The following CHRNA7 variants were observed in gnomAD, a reference collection of about 807,000 sequenced individuals.
CHRNA7 encodes the protein cholinergic receptor nicotinic alpha 7 subunit, also known as neuronal acetylcholine receptor subunit alpha-7.
CHRNA7 carries 17 observed loss-of-function variants against 48.0 expected under a neutral mutation model. The observed-to-expected ratio is 0.35, with a 90% CI of 0.24 to 0.53. The LOEUF (loss-of-function observed/expected upper bound fraction) is 0.53, where lower values mean the gene tolerates loss of function less well. Ranked by LOEUF, CHRNA7 falls within the 20% of genes least tolerant of loss-of-function variation. The pLI, the probability that CHRNA7 is intolerant of heterozygous loss-of-function variation, is 0.92. For missense variants in CHRNA7, 155 were observed against 577.7 expected (o/e 0.27, Z 7.50); for synonymous variants, 75 against 242.3 (o/e 0.31, Z 6.41).
chr15:32,131,742 A>T (rs974878316), intron 4 of CHRNA7, among the ~76,000 whole-genome samples: 7 of 152,160 alleles, frequency 4.6e-5, no homozygotes, highest in Admixed American at 1.3e-4. Context: ...GGTGATTTTT[A>T]AAATTATATC....
chr15:32,065,510 T>G lies in CHRNA7; in HGVS notation c.195+34473T>G, dbSNP rs373495038. 6.4e-4 allele frequency among the ~76,000 whole-genome samples: 97 copies of G among 152,326 alleles called. No homozygotes were observed. In the South Asian group the frequency reaches 0.019, roughly 30 times the overall value. ...GCTGCCTGAGGCAGTGGATATCAAC[T>G]GAGGAAGATAATAAGCTATAAAAAG... is the stretch of plus-strand genomic sequence containing the variant. On this transcript the variant is annotated intron_variant, in intron 2 of 9. Transcript: ENST00000306901.
intron 2 of CHRNA7, among the ~76,000 whole-genome samples, chr15:32,079,505 A>G (rs377239294): frequency 7.2e-5 from 11 of 152,176 alleles, no homozygotes; most frequent in African/African-American, 2.2e-4. Flanking sequence ...CTATATAACA[A>G]CAGACAGAGA....
intron 3 of CHRNA7, 57 bp from the exon 4 acceptor site, chr15:32,111,733 T>G: frequency 1.0e-6 from 1 of 1,004,270 alleles, no homozygotes; most frequent in Non-Finnish European, 1.5e-6. Flanking sequence ...TAATCGCTTA[T>G]GAGAAATATT....
chr15:32,102,720 A>G (rs2050594673), intron 3 of CHRNA7: 1 of 152,176 alleles, frequency 6.6e-6, no homozygotes, highest in Admixed American at 6.5e-5. Context: ...ACTTGAATGG[A>G]GAGAATGATA....
At position 32,040,598 on chromosome 15, in the gene CHRNA7, A is replaced by ATG. The variant is rs1332326333; in HGVS notation, c.195+9567_195+9568dup. Among the ~76,000 whole-genome samples the ATG allele has an allele frequency of 5.2e-3, 476 of 92,220 alleles. 4 individuals carry two copies. Among genetic ancestry groups the ATG allele is most frequent in the African/African-American group, 0.012 (446 of 36,688 alleles). 60.5% of individuals were successfully genotyped at this position (92,220 alleles called of 152,430 possible). ...ATAAGGTGCGTGTGTGTGTGTGTATATGTGTGTATGTGTGTGTGTGTATAT... is the reference window on the plus strand; with the variant it reads ...ATAAGGTGCGTGTGTGTGTGTGTATATGTGTGTGTATGTGTGTGTGTGTATAT... On this transcript the variant is annotated intron_variant, in intron 2 of 9. Transcript: ENST00000306901.
intron 2 of CHRNA7, among the ~76,000 whole-genome samples, chr15:32,054,185 T>G (rs940285417): frequency 6.6e-6 from 1 of 152,222 alleles, no homozygotes; most frequent in African/African-American, 2.4e-5. Context: ...AAGTATCTAT[T>G]TTAAGAAGTC....
rs187353049 is a variant in CHRNA7 at position 32,048,100 on chromosome 15, A to G, written c.195+17063A>G. Among the ~76,000 whole-genome samples, 698 of 152,258 alleles carry G rather than the reference A, an allele frequency of 4.6e-3. 4 individuals are homozygous for G. The highest frequency in any genetic ancestry group is 0.014 in the African/African-American group (587 of 41,544). On this transcript the variant is annotated intron_variant, in intron 2 of 9. Coordinates refer to ENST00000306901, the MANE Select transcript of CHRNA7 (RefSeq NM_000746.6). ...GTATTTTATTGAGGATTTTTGCATC[A>G]ATGTTCATCAGGGATATTGGTCTAA...
At chr15:32,062,740 G>A (rs2049899536) in intron 2 of CHRNA7, among the ~76,000 whole-genome samples, 1 of 152,042 alleles carries the variant, frequency 6.6e-6, no homozygotes, top group Admixed American at 6.6e-5. Flanking sequence ...CTACACATTT[G>A]GGGCTTCCTA....
rs145588460 is a variant in CHRNA7 at position 32,127,317 on chromosome 15, T to G, written c.350+15418T>G. On this transcript the variant is annotated intron_variant, in intron 4 of 9. Transcript: ENST00000306901. The stretch of plus-strand genomic sequence containing the variant: ...TTGTTTTTGAAGATGTTTCCATTCG[T>G]CTGGTATAAATTACATAAGCACGCA... 3.9e-5 allele frequency among the ~76,000 whole-genome samples: 6 copies of G among 152,284 alleles called. No homozygotes were observed. In the East Asian group the frequency reaches 1.2e-3, roughly 29 times the overall value.
intron 2 of CHRNA7, chr15:32,100,154 A>C (rs999935920): frequency 6.6e-6 from 1 of 150,744 alleles, no homozygotes; most frequent in African/African-American, 2.4e-5. Flanking sequence ...CTGCTCACTG[A>C]CATGCCCCAG....
intron 2 of CHRNA7, among the ~76,000 whole-genome samples, chr15:32,074,307 G>T (rs570654506): frequency 6.8e-6 from 1 of 147,128 alleles, no homozygotes; most frequent in Non-Finnish European, 1.5e-5. Flanking sequence ...GTGTTTCATT[G>T]CCTTTTCTTG....
At chr15:32,087,588 G>A (rs537635349) in intron 2 of CHRNA7, among the ~76,000 whole-genome samples, 1 of 152,148 alleles carries the variant, frequency 6.6e-6, no homozygotes, top group Non-Finnish European at 1.5e-5. Flanking sequence ...AAGTATTTCT[G>A]TATGTAACCG....
At position 32,149,123 on chromosome 15, in the gene CHRNA7, G is replaced by A. The variant is rs749033960; in HGVS notation, c.351-4784G>A. Among the ~76,000 whole-genome samples, 10 of 152,220 alleles carry A rather than the reference G, an allele frequency of 6.6e-5. No individual in the cohort carries two copies. Among genetic ancestry groups the A allele is most frequent in the Non-Finnish European group, 1.2e-4 (8 of 68,036 alleles). On this transcript the variant is annotated intron_variant, in intron 4 of 9. Coordinates refer to ENST00000306901, the MANE Select transcript of CHRNA7 (RefSeq NM_000746.6). The surrounding 1 kb of genome is among the most constrained non-coding windows in gnomAD (Gnocchi z 4.6). ...AAGGCAGCTCCTGCAAGGACGGAGAGGCCACAGGCCGGCATCTTCACAAAC... is the reference window on the plus strand; with the variant it reads ...AAGGCAGCTCCTGCAAGGACGGAGAAGCCACAGGCCGGCATCTTCACAAAC...
rs113697113 is a variant in CHRNA7, at chr15:32,167,785, C to T, written c.991-155C>T. 2.8e-5 allele frequency among the ~76,000 whole-genome samples: 2 copies of T among 70,586 alleles called. 1 individual carries two copies. The highest frequency in any genetic ancestry group is 8.4e-5 in the African/African-American group (2 of 23,874). The allele number at this position is 70,586 out of a possible 152,430, so 46.3% of individuals were successfully genotyped here. ...GTTGAACTCGACTGCTTGTCATACG[C>T]AAGCACTGCTTGCCTGCTAAAATCA... On this transcript the variant is annotated intron_variant, in intron 9 of 9. Transcript: ENST00000306901.
At chr15:32,041,410 G>C (rs2049445844) in intron 2 of CHRNA7, among the ~76,000 whole-genome samples, 1 of 152,172 alleles carries the variant, frequency 6.6e-6, no homozygotes, top group South Asian at 2.1e-4. Flanking sequence ...GTGCAACCTA[G>C]ATCCCTTGCA....
intron 3 of CHRNA7, among the ~76,000 whole-genome samples, chr15:32,105,446 AAGGAGGAAGAGGAGGAGGAAG>A (rs2050650073): frequency 6.7e-6 from 1 of 149,502 alleles, no homozygotes; most frequent in African/African-American, 2.5e-5. Context: ...GGCGGAGGAG[AAGGAGGAAGAGGAGGAGGAAG>A]AGGAGGAGAG....
chr15:32,127,132 C>G (rs2051080723), intron 4 of CHRNA7, among the ~76,000 whole-genome samples: 1 of 152,048 alleles, frequency 6.6e-6, no homozygotes, highest in South Asian at 2.1e-4. Context: ...TATGTGTAGA[C>G]TAATATAGTT....
At chr15:32,083,322 C>T (rs2141235228) in intron 2 of CHRNA7, among the ~76,000 whole-genome samples, 1 of 152,316 alleles carries the variant, frequency 6.6e-6, no homozygotes, top group East Asian at 1.9e-4. Context: ...TCTAGCCCTT[C>T]TGTCTTCCAT....
intron 2 of CHRNA7, among the ~76,000 whole-genome samples, chr15:32,063,065 A>C (rs1272259522): frequency 1.3e-5 from 2 of 152,210 alleles, no homozygotes; most frequent in Non-Finnish European, 2.9e-5. Context: ...ACAGAATAAA[A>C]GATAAAAGAA....
Sources: gnomAD v4.1 joint callset for allele counts (sites outside exome capture counted in the v4.1 genomes callset) on GRCh38, gnomAD v4.1.1 for gene constraint, Gnocchi (gnomAD v3.1) non-coding constraint, MANE v1.5 for transcripts, NCBI Gene and HGNC (gene_info 2026-07-23, HGNC 2026-07-21) for gene names.